CRACD: variants seen among roughly 807,000 people sequenced by gnomAD.
CRACD encodes the protein capping protein-inhibiting regulator of actin dynamics.
Under a neutral mutation model 106.8 loss-of-function variants are expected in CRACD, and 56 were observed. The ratio of observed to expected loss-of-function variants is 0.52; its 90% CI spans 0.42 to 0.66. The LOEUF (loss-of-function observed/expected upper bound fraction) is 0.66. CRACD is among the 30% of genes least tolerant of loss of function. The pLI is 0.00. For synonymous variants in CRACD, 754 were observed against 670.8 expected, an observed-to-expected ratio of 1.12 and a Z score of -1.92; for missense variants, 1,730 against 1,623.2, an observed-to-expected ratio of 1.07 and a Z score of -1.13.
intron 1 of CRACD, among the ~76,000 whole-genome samples, chr4:56,166,542 T>A (rs1736154166): frequency 1.3e-5 from 2 of 151,794 alleles, no homozygotes; most frequent in African/African-American, 2.4e-5. Flanking sequence ...TAGCTGGGTG[T>A]GGTGGTGCAT....
At chr4:56,161,950 A>G (rs6554335) in intron 1 of CRACD, among the ~76,000 whole-genome samples, 151,537 of 151,982 alleles carry the variant, frequency 1, 75,549 homozygotes, top group Middle Eastern at 1. Flanking sequence ...TTTTAGTAGA[A>G]ATGGGGTTTC....
intron 4 of CRACD, among the ~76,000 whole-genome samples, chr4:56,302,508 C>G (rs956803095): frequency 6.6e-6 from 1 of 152,198 alleles, no homozygotes; most frequent in Non-Finnish European, 1.5e-5. Flanking sequence ...TCCCACCGAG[C>G]TGGATTTCAC....
At chr4:56,264,437 C>A (rs78598121) in intron 2 of CRACD, among the ~76,000 whole-genome samples, 2 of 140,562 alleles carry the variant, frequency 1.4e-5, no homozygotes, top group Admixed American at 7.0e-5. Flanking sequence ...ACCACATATA[C>A]CACATATACC....
intron 3 of CRACD, among the ~76,000 whole-genome samples, chr4:56,291,697 T>G (rs1743714290): frequency 6.6e-6 from 1 of 152,194 alleles, no homozygotes; most frequent in Non-Finnish European, 1.5e-5. Flanking sequence ...GCCCCCATTT[T>G]GCCTTCTACC....
chr4:56,151,071 A>G (rs976103801), intron 1 of CRACD, among the ~76,000 whole-genome samples: 3 of 152,160 alleles, frequency 2.0e-5, no homozygotes, highest in African/African-American at 4.8e-5. Flanking sequence ...ATCTCGGCTC[A>G]CTGCAACTTC....
At chr4:56,241,793 A>G (rs1740383219) in intron 2 of CRACD, among the ~76,000 whole-genome samples, 1 of 152,192 alleles carries the variant, frequency 6.6e-6, no homozygotes, top group Non-Finnish European at 1.5e-5. Context: ...GGCGCCTTGT[A>G]GGAGACAGCA....
chr4:56,231,634 G>A (rs1739624336), intron 2 of CRACD, among the ~76,000 whole-genome samples: 1 of 152,222 alleles, frequency 6.6e-6, no homozygotes, highest in African/African-American at 2.4e-5. Context: ...CACAAGGAAT[G>A]CAAAGTAGCA....
At chr4:56,061,641 C>A (rs1027236825) in intron 1 of CRACD, among the ~76,000 whole-genome samples, 1 of 151,938 alleles carries the variant, frequency 6.6e-6, no homozygotes. Flanking sequence ...GAGAGAGAGA[C>A]AATAAACAGT....
At chr4:56,089,133 C>G (rs150763884) in intron 1 of CRACD, among the ~76,000 whole-genome samples, 50 of 152,308 alleles carry the variant, frequency 3.3e-4, no homozygotes, top group African/African-American at 1.1e-3. Context: ...TAAAGTGTAG[C>G]ATTTAGAATG....
chr4:56,209,474 T>G (rs1738292268), intron 2 of CRACD, among the ~76,000 whole-genome samples: 1 of 152,142 alleles, frequency 6.6e-6, no homozygotes, highest in African/African-American at 2.4e-5. Flanking sequence ...GTTGTTTTAA[T>G]TACATATATT....
In CRACD at chr4:56,329,681, A is replaced by G. The variant is rs970422593; in HGVS notation, c.*1877A>G. 2.0e-5 allele frequency among the ~76,000 whole-genome samples: 3 copies of G among 152,218 alleles called. No individual in the cohort carries two copies. Among genetic ancestry groups the G allele is most frequent in the Non-Finnish European group, 4.4e-5 (3 of 68,016 alleles). On this transcript the variant is annotated 3_prime_UTR_variant, in exon 11 of 11. Transcript: ENST00000682029. ...TAAATCTTATATGTAGGCATTTGTT[A>G]GTTCCAATGATTTCCTCACTAATAT...
intron 2 of CRACD, among the ~76,000 whole-genome samples, chr4:56,213,734 A>G (rs1235871086): frequency 6.6e-6 from 1 of 152,228 alleles, no homozygotes; most frequent in Non-Finnish European, 1.5e-5. Flanking sequence ...ACACGATTTG[A>G]ATAGTTGGTC....
intron 3 of CRACD, among the ~76,000 whole-genome samples, chr4:56,296,351 A>G (rs1425593672): frequency 6.6e-6 from 1 of 152,118 alleles, no homozygotes; most frequent in Non-Finnish European, 1.5e-5. Flanking sequence ...AAATCAAAGT[A>G]AGGGTTGATG....
At chr4:56,302,127 C>A (rs1275718318) in intron 4 of CRACD, among the ~76,000 whole-genome samples, 1 of 152,214 alleles carries the variant, frequency 6.6e-6, no homozygotes, top group Non-Finnish European at 1.5e-5. Context: ...AACTAAGGGG[C>A]ATGCACACAA....
intron 1 of CRACD, among the ~76,000 whole-genome samples, chr4:56,081,815 A>C (rs1411938248): frequency 2.0e-5 from 3 of 152,104 alleles, no homozygotes; most frequent in African/African-American, 7.2e-5. Flanking sequence ...ATCTCTACTA[A>C]AAATACAAAA....
Position 56,159,545 on chromosome 4 carries a change from G to A in CRACD, c.-335-19739G>A, listed in dbSNP as rs547382324. 1.2e-3 allele frequency among the ~76,000 whole-genome samples: 176 copies of A among 152,094 alleles called. 1 individual carries two copies. In the South Asian group the frequency reaches 0.016, roughly 14 times the overall value. On this transcript the variant is annotated intron_variant, in intron 1 of 10. Coordinates refer to ENST00000682029, the MANE Select transcript of CRACD (RefSeq NM_001393381.1). ...CGGGCGCCTGTAGTCCCAGCTACTCGGGAGGCTGAGGTGGGAGAATGGCAT... is the reference window on the plus strand; with the variant it reads ...CGGGCGCCTGTAGTCCCAGCTACTCAGGAGGCTGAGGTGGGAGAATGGCAT...
At chr4:56,246,097 C>T (rs1171811151) in intron 2 of CRACD, among the ~76,000 whole-genome samples, 1 of 152,186 alleles carries the variant, frequency 6.6e-6, no homozygotes, top group Non-Finnish European at 1.5e-5. Flanking sequence ...GAGCCCCAAC[C>T]TACTGGCCTG....
chr4:56,065,703 A>G (rs1424537358), intron 1 of CRACD, among the ~76,000 whole-genome samples: 1 of 152,048 alleles, frequency 6.6e-6, no homozygotes, highest in African/African-American at 2.4e-5. Flanking sequence ...ACACTTTACT[A>G]TTTTACCCAT....
At chr4:56,306,039 C>T (rs1744671547) in intron 4 of CRACD, among the ~76,000 whole-genome samples, 1 of 152,154 alleles carries the variant, frequency 6.6e-6, no homozygotes, top group Non-Finnish European at 1.5e-5. Context: ...TTTAAAAGAC[C>T]TGAGTTCAGA....
Sources: gnomAD v4.1 joint callset for allele counts (sites outside exome capture counted in the v4.1 genomes callset) on GRCh38, gnomAD v4.1.1 for gene constraint, MANE v1.5 for transcripts, NCBI Gene and HGNC (gene_info 2026-07-23, HGNC 2026-07-21) for gene names.